DOLPP1: variants seen among roughly 807,000 people sequenced by gnomAD.
The protein encoded by DOLPP1 is dolichyl pyrophosphate phosphatase 1.
In DOLPP1, 15 loss-of-function variants were observed where a neutral mutation model predicts 34.1. The observed-to-expected ratio is 0.44, with a 90% confidence interval of 0.29 to 0.68. The LOEUF (loss-of-function observed/expected upper bound fraction) is 0.68. Ranked by LOEUF, DOLPP1 falls within the 30% of genes least tolerant of loss-of-function variation. The pLI is 0.12. For missense variants in DOLPP1, 249 were observed against 307.1 expected, an observed-to-expected ratio of 0.81 and a Z score of 1.41; for synonymous variants, 130 against 128.2, an observed-to-expected ratio of 1.01 and a Z score of -0.10.
At chr9:129,081,362 C>G (rs1233340651) in intron 1 of DOLPP1, among the ~76,000 whole-genome samples, 155 bp downstream of exon 1, 1 of 152,124 alleles carries the variant, frequency 6.6e-6, no homozygotes, top group African/African-American at 2.4e-5. Context: ...GGCGCGCGCG[C>G]CGCGCAGGCG....
chr9:129,082,354 C>A (rs1846906870), intron 1 of DOLPP1, among the ~76,000 whole-genome samples: 1 of 152,232 alleles, frequency 6.6e-6, no homozygotes, highest in South Asian at 2.1e-4. Flanking sequence ...TTCATCCATT[C>A]ATTCATTCAG....
chr9:129,083,040 C>A (rs934590731), intron 1 of DOLPP1, among the ~76,000 whole-genome samples: 1 of 152,056 alleles, frequency 6.6e-6, no homozygotes, highest in South Asian at 2.1e-4. Flanking sequence ...GTGCAAAGGT[C>A]CAGAAGTAGG....
chr9:129,081,722 C>T (rs1190451240), intron 1 of DOLPP1, among the ~76,000 whole-genome samples: 1 of 152,218 alleles, frequency 6.6e-6, no homozygotes, highest in East Asian at 1.9e-4. Flanking sequence ...GGGCACGATT[C>T]CACAACAGAG....
chr9:129,084,586 G>T, intron 1 of DOLPP1, 82 bp from the exon 2 acceptor site: 10 of 1,041,440 alleles, frequency 9.6e-6, no homozygotes, highest in Non-Finnish European at 1.5e-5. Context: ...CTCCTTTCTG[G>T]ATCAGGCCTT....
chr9:129,085,383 T>A lies in DOLPP1; in HGVS notation c.362+77T>A. The A allele has an allele frequency of 6.5e-7, 1 of 1,527,134 alleles. No individual in the cohort carries two copies. The highest frequency in any genetic ancestry group is 1.7e-4 in the Middle Eastern group (1 of 5,900). 94.6% of individuals were successfully genotyped at this position (1,527,134 alleles called of 1,614,324 possible). A position where few individuals can be genotyped will look rare whatever the true frequency, so the allele number is the denominator to read the frequency against. ...TGCTAGGGACTCACTGCTAGCCCTT[T>A]GGATGCCCCTGGGGTGGGAGGGGCT... On this transcript the variant is annotated intron_variant, in intron 4 of 7. Coordinates refer to ENST00000372546, the MANE Select transcript of DOLPP1 (RefSeq NM_020438.5). This position sits in a 1 kb window ranked among gnomAD's most constrained non-coding sequence, Gnocchi z 7.0.
In DOLPP1 at chr9:129,089,225, G is replaced by A. The variant is rs958439013; in HGVS notation, c.*218G>A. On this transcript the variant is annotated 3_prime_UTR_variant, in exon 8 of 8. Coordinates refer to ENST00000372546, the MANE Select transcript of DOLPP1 (RefSeq NM_020438.5). This position sits in a 1 kb window ranked among gnomAD's most constrained non-coding sequence, Gnocchi z 4.9. Reference sequence around the variant, plus strand: ...CTGGGGGGCCTGCTGCCTGGGGGCCGTGGCCAGAGACCCTCGCTGTGCTGC... The same window carrying A: ...CTGGGGGGCCTGCTGCCTGGGGGCCATGGCCAGAGACCCTCGCTGTGCTGC... 30 of 506,336 alleles carry A rather than the reference G, an allele frequency of 5.9e-5. No individual in the cohort carries two copies. Among genetic ancestry groups the A allele is most frequent in the African/African-American group, 2.3e-4 (12 of 52,186 alleles). The allele number at this position is 506,336 out of a possible 1,614,324, so 31.4% of individuals were successfully genotyped here.
In DOLPP1 at chr9:129,089,417, T is replaced by A. The variant is rs1318958983; in HGVS notation, c.*410T>A. 1 of 171,494 alleles carries A rather than the reference T, an allele frequency of 5.8e-6. No individual in the cohort carries two copies. The highest frequency in any genetic ancestry group is 1.3e-5 in the Non-Finnish European group (1 of 78,640). 10.6% of individuals were successfully genotyped at this position (171,494 alleles called of 1,614,324 possible). ...TCAGAGGCAGGCAGGATTTTGGAGC[T>A]GGAAGAATCTGCTCTCCGGTGGCTG... On this transcript the variant is annotated 3_prime_UTR_variant, in exon 8 of 8. Transcript: ENST00000372546. The surrounding 1 kb of genome is among the most constrained non-coding windows in gnomAD (Gnocchi z 4.9).
At chr9:129,086,037 G>A in intron 5 of DOLPP1, 102 bp from the exon 6 acceptor site, 5 of 1,174,570 alleles carry the variant, frequency 4.3e-6, no homozygotes, top group Non-Finnish European at 6.1e-6. Flanking sequence ...GTCTCCACAT[G>A]TGTGGGCACA....
intron 7 of DOLPP1, 98 bp from the exon 8 acceptor site, chr9:129,088,873 C>A: frequency 8.2e-7 from 1 of 1,221,542 alleles, no homozygotes; most frequent in Non-Finnish European, 1.2e-6. Context: ...TGGGTGTGGG[C>A]ATTTGCCTAC....
Position 129,086,671 on chromosome 9 carries a change from C to T in DOLPP1, c.591-38C>T, listed in dbSNP as rs1214682775. 4 of 1,590,708 alleles carry T rather than the reference C, an allele frequency of 2.5e-6. No individual in the cohort carries two copies. The Admixed American group carries it at 5.0e-5, about 20-fold the overall frequency. ...GCTGGCATGGTAACAGACTCATGCC[C>T]TGATGTGCCCCTGGCTCTCTGATGT... On this transcript the variant is annotated intron_variant, in intron 6 of 7. Coordinates refer to ENST00000372546, the MANE Select transcript of DOLPP1 (RefSeq NM_020438.5).
intron 1 of DOLPP1, 27 bp downstream of exon 1, chr9:129,081,234 C>T (rs914836905): frequency 1.9e-6 from 3 of 1,604,810 alleles, no homozygotes; most frequent in African/African-American, 2.7e-5. Flanking sequence ...GCTCCAAGGA[C>T]GCCTTCCCAG....
chr9:129,083,638 C>T (rs763593384), intron 1 of DOLPP1, among the ~76,000 whole-genome samples: 6 of 152,200 alleles, frequency 3.9e-5, no homozygotes, highest in Admixed American at 6.5e-5. Flanking sequence ...CCATTTCCCA[C>T]ACTGGGTTCT....
intron 1 of DOLPP1, among the ~76,000 whole-genome samples, chr9:129,081,475 C>T (rs1164053340): frequency 6.6e-6 from 1 of 152,148 alleles, no homozygotes; most frequent in East Asian, 1.9e-4. Context: ...CGCCGGTGGG[C>T]TGAAATGGGT....
chr9:129,087,131 G>T (rs1370146524), intron 7 of DOLPP1, among the ~76,000 whole-genome samples: 1 of 151,790 alleles, frequency 6.6e-6, no homozygotes, highest in East Asian at 1.9e-4. Flanking sequence ...CATCCCTAGG[G>T]ATTAGTCCAG....
intron 7 of DOLPP1, among the ~76,000 whole-genome samples, chr9:129,087,107 C>T (rs768134744): frequency 2.0e-5 from 3 of 152,148 alleles, no homozygotes; most frequent in Admixed American, 6.5e-5. Flanking sequence ...GTTCTCAGGG[C>T]TCCTGTGTGT....
At chr9:129,081,249 G>T (rs781368620) in intron 1 of DOLPP1, 42 bp downstream of exon 1, 15 of 1,601,684 alleles carry the variant, frequency 9.4e-6, no homozygotes, top group Non-Finnish European at 1.2e-5. Context: ...TCCCAGGGAC[G>T]GCCTCTCAGT....
intron 1 of DOLPP1, 186 bp from the exon 2 acceptor site, chr9:129,084,482 A>G: frequency 2.9e-6 from 2 of 682,302 alleles, no homozygotes; most frequent in Non-Finnish European, 5.3e-6. Context: ...AGTAGTAGAC[A>G]GCATCACGTA....
intron 1 of DOLPP1, among the ~76,000 whole-genome samples, chr9:129,081,461 G>A (rs1396770229): frequency 2.0e-5 from 3 of 152,160 alleles, no homozygotes; most frequent in South Asian, 2.1e-4. Flanking sequence ...CCCGGGTCCC[G>A]GGGCGCCGGT....
chr9:129,087,740 C>T lies in DOLPP1; in HGVS notation c.680+942C>T, dbSNP rs547841068. Among the ~76,000 whole-genome samples, 381 of 152,140 alleles carry T rather than the reference C, an allele frequency of 2.5e-3. 1 individual carries two copies. The highest frequency in any genetic ancestry group is 0.01 in the Middle Eastern group (3 of 294). On this transcript the variant is annotated intron_variant, in intron 7 of 7. Transcript: ENST00000372546. Reference sequence around the variant, plus strand: ...GTGGGGCGTCCTAGCAGCCAGGAAACGTGTTTAGTGCATCAAGGTCCAAAT... The same window carrying T: ...GTGGGGCGTCCTAGCAGCCAGGAAATGTGTTTAGTGCATCAAGGTCCAAAT...
Sources: allele counts gnomAD v4.1 joint callset (sites outside exome capture counted in the v4.1 genomes callset), GRCh38; gene constraint gnomAD v4.1.1; non-coding constraint Gnocchi (gnomAD v3.1); transcripts MANE v1.5; gene names NCBI Gene and HGNC (gene_info 2026-07-23, HGNC 2026-07-21).